The following LRWD1 variants were observed in gnomAD, a reference collection of about 807,000 sequenced individuals.
LRWD1 encodes the protein leucine rich repeats and WD repeat domain containing 1.
In LRWD1, 76 loss-of-function variants were observed where a neutral mutation model predicts 75.6. The observed-to-expected ratio is 1.01, with a 90% CI of 0.84 to 1.22. LRWD1 has a LOEUF of 1.22. Ranked by LOEUF, LRWD1 falls within the 50% of genes most tolerant of loss-of-function variation. The probability of loss-of-function intolerance (pLI) is 0.00; values close to 1 mark genes in which losing one functional copy is unlikely to be tolerated. For missense variants in LRWD1, 917 were observed against 862.0 expected, an observed-to-expected ratio of 1.06 and a Z score of -0.80; for synonymous variants, 487 against 377.0, an observed-to-expected ratio of 1.29 and a Z score of -3.38.
At chr7:102,470,785 G>C (rs1392933408) in intron 11 of LRWD1, 1 of 152,246 alleles carries the variant, frequency 6.6e-6, no homozygotes, top group Non-Finnish European at 1.5e-5. Flanking sequence ...TTTTATTTGA[G>C]ATAGAGTCTC....
At chr7:102,471,083 C>G (rs1045539412) in intron 11 of LRWD1, 2 of 152,400 alleles carry the variant, frequency 1.3e-5, no homozygotes, top group Admixed American at 1.3e-4. Context: ...CAGGTGCACG[C>G]CAACACGCCT....
rs148895778 is a variant in LRWD1 at position 102,473,049 on chromosome 7, G to T, written c.1944G>T (p.Ter648TyrextTer12). 1 of 1,609,268 alleles carries T rather than the reference G, an allele frequency of 6.2e-7. No individual in the cohort carries two copies. The highest frequency in any genetic ancestry group is 8.5e-7 in the Non-Finnish European group (1 of 1,177,782). Residue 648 changes from the stop codon to tyrosine, a stop_lost, in exon 15 of 15, where the codon TAG becomes TAT. Transcript: ENST00000292616. ...TCGTAGCCATCTGGGGGAGGATGTA[G>T]CCTCACACCATCGCAAAGGACCAGG... ...SNIVAIWGRM[*>Y]
chr7:102,468,441 G>A, intron 7 of LRWD1, 64 bp downstream of exon 7: 1 of 1,542,154 alleles, frequency 6.5e-7, no homozygotes, highest in Non-Finnish European at 8.8e-7. Context: ...ATGGGTGGGG[G>A]ATCAGGAGAC....
chr7:102,465,603 C>G lies in LRWD1; in HGVS notation c.81-214C>G, dbSNP rs73712497. ...TCGAGAGGCTGAGGCGGGAGGATCCCTCAGCCCAGGAGTTGGAGGCAGCTG... is the reference window on the plus strand; with the variant it reads ...TCGAGAGGCTGAGGCGGGAGGATCCGTCAGCCCAGGAGTTGGAGGCAGCTG... On this transcript the variant is annotated intron_variant, in intron 1 of 14. Transcript: ENST00000292616. The G allele has an allele frequency of 4.9e-3, 2,434 of 499,194 alleles. 37 individuals carry two copies. Among genetic ancestry groups the G allele is most frequent in the African/African-American group, 0.045 (2,188 of 48,886 alleles). The allele number at this position is 499,194 out of a possible 1,614,324, so 30.9% of individuals were successfully genotyped here.
Position 102,468,630 on chromosome 7 carries a change from C to G in LRWD1, c.996C>G (p.Leu332=), listed in dbSNP as rs922050550. The stretch of plus-strand genomic sequence containing the variant: ...TTGATTGCCAGACGGGCATCGTGCT[C>G]CACAAGTACAAGGCACCCGGCGAGG... ...CVIDCQTGIV[L]HKYKAPGEEF... Residue 332 remains leucine (L), a synonymous_variant, in exon 8 of 15, where the codon CTC becomes CTG. Transcript: ENST00000292616. The G allele has an allele frequency of 6.4e-7, 1 of 1,573,926 alleles. No individual in the cohort carries two copies. The highest frequency in any genetic ancestry group is 1.4e-5 in the African/African-American group (1 of 73,958).
In LRWD1 at chr7:102,465,420, G is replaced by GC. The variant is rs1434726954; in HGVS notation, c.80+265dup. The GC allele has an allele frequency of 1.8e-4, 68 of 384,056 alleles. No individual in the cohort carries two copies. The Admixed American group carries it at 2.1e-3, about 12-fold the overall frequency. The allele number at this position is 384,056 out of a possible 1,614,324, so 23.8% of individuals were successfully genotyped here. A position where few individuals can be genotyped will look rare whatever the true frequency, so the allele number is the denominator to read the frequency against. On this transcript the variant is annotated intron_variant, in intron 1 of 14. Transcript: ENST00000292616. Reference sequence around the variant, plus strand: ...TAGAGGGCCTGGGAAGCACAGACGAGCCCCCGAAGGATCAGGAAGAGCATC... The same window carrying GC: ...TAGAGGGCCTGGGAAGCACAGACGAGCCCCCCGAAGGATCAGGAAGAGCATC...
Position 102,473,001 on chromosome 7 carries a change from C to T in LRWD1, c.1896C>T (p.Leu632=). 1.2e-6 allele frequency: 2 copies of T among 1,614,144 alleles called. No homozygotes were observed. Among genetic ancestry groups the T allele is most frequent in the Non-Finnish European group, 1.7e-6 (2 of 1,180,018 alleles). ...TGGCCAATGCCTCCTTCACCTACCT[C>T]ACCGCCCTGACGGACTCCAACATCG... The part of the protein sequence containing the change: ...TVVANASFTY[L]TALTDSNIVA... The change falls in exon 15 of 15, where the codon CTC becomes CTT. Residue 632 remains leucine, a synonymous_variant. Transcript: ENST00000292616.
At chr7:102,468,449 G>A (rs1245986893) in intron 7 of LRWD1, 72 bp downstream of exon 7, 1 of 1,541,410 alleles carries the variant, frequency 6.5e-7, no homozygotes, top group Non-Finnish European at 8.8e-7. Flanking sequence ...GGGATCAGGA[G>A]ACAGAGCTTA....
At position 102,473,048 on chromosome 7, in the gene LRWD1, AG is replaced by A; in HGVS notation, c.1944del (p.Ter648TyrfsTer14). ...ATCGTAGCCATCTGGGGGAGGATGT[AG>A]CCTCACACCATCGCAAAGGACCAGG... ...SNIVAIWGRM* is the reference protein window; with the variant it reads ...SNIVAIWGRMX On this transcript the variant is annotated frameshift_variant and stop_lost, in exon 15 of 15. Transcript: ENST00000292616. LOFTEE classifies it high-confidence loss of function. The A allele has an allele frequency of 6.2e-7, 1 of 1,610,710 alleles. No homozygotes were observed. The highest frequency in any genetic ancestry group is 8.5e-7 in the Non-Finnish European group (1 of 1,178,262).
In LRWD1 at chr7:102,473,079, C is replaced by T. The variant is rs753090865; in HGVS notation, c.*30C>T. 1.4e-5 allele frequency: 23 copies of T among 1,588,050 alleles called. No homozygotes were observed. Among genetic ancestry groups the T allele is most frequent in the Non-Finnish European group, 1.7e-5 (20 of 1,163,836 alleles). On this transcript the variant is annotated 3_prime_UTR_variant, in exon 15 of 15. Transcript: ENST00000292616. ...ACACCATCGCAAAGGACCAGGGACA[C>T]AGCTAACTAACTTATTCAGCTTTGG... is the stretch of plus-strand genomic sequence containing the variant.
chr7:102,465,191 C>T (rs1563652179), intron 1 of LRWD1, 31 bp downstream of exon 1: 3 of 1,436,756 alleles, frequency 2.1e-6, no homozygotes, highest in East Asian at 3.0e-5. Flanking sequence ...GAGGCTGTGT[C>T]CTCGGGGCCG....
intron 11 of LRWD1, chr7:102,471,563 G>A (rs1187845150): frequency 1.3e-5 from 2 of 154,886 alleles, no homozygotes; most frequent in Middle Eastern, 5.1e-4. Flanking sequence ...CTGTGTCTAA[G>A]ATGCTTCTTC....
intron 11 of LRWD1, chr7:102,471,578 AC>A (rs767110050): frequency 6.5e-6 from 1 of 154,680 alleles, no homozygotes; most frequent in Non-Finnish European, 1.5e-5. Context: ...TTCTTCTCTT[AC>A]CCTCTGCCCA....
intron 11 of LRWD1, chr7:102,471,930 C>T (rs931534024): frequency 2.5e-6 from 1 of 400,548 alleles, no homozygotes; most frequent in Non-Finnish European, 4.7e-6. Flanking sequence ...CCCAGAGGCA[C>T]TGGCTCGCTT....
In LRWD1 at chr7:102,472,749, G is replaced by T; in HGVS notation, c.1748G>T (p.Ser583Ile). ...EEGNVWLYDV[S>I]NILKQPPLLP... ...GGCAACGTGTGGCTCTACGACGTCA[G>T]CAACATCCTGAAGCAGCCACCCCTG... Residue 583 changes from serine to isoleucine, a missense_variant, in exon 14 of 15, where the codon AGC (serine) becomes ATC (isoleucine). Ser to Ile is a moderately radical substitution (Grantham distance 142, BLOSUM62 -2). Transcript: ENST00000292616. 1 of 1,613,480 alleles carries T rather than the reference G, an allele frequency of 6.2e-7. No individual in the cohort carries two copies. The highest frequency in any genetic ancestry group is 8.5e-7 in the Non-Finnish European group (1 of 1,179,960).
chr7:102,467,790 G>T lies in LRWD1; in HGVS notation c.645G>T (p.Lys215Asn). 1 of 1,551,148 alleles carries T rather than the reference G, an allele frequency of 6.4e-7. No homozygotes were observed. The highest frequency in any genetic ancestry group is 8.7e-7 in the Non-Finnish European group (1 of 1,147,192). Reference sequence around the variant, plus strand: ...TGCAAAAGGCTAACAGCCCAGAGAAGCCCCCAGAAGCTGGAGCTGCCCACA... The same window carrying T: ...TGCAAAAGGCTAACAGCCCAGAGAATCCCCCAGAAGCTGGAGCTGCCCACA... ...TQVQKANSPE[K>N]PPEAGAAHKP... Residue 215 changes from lysine (K) to asparagine (N), a missense_variant, in exon 5 of 15, where the codon AAG becomes AAT. Lys to Asn is a moderately conservative substitution (Grantham distance 94). Coordinates refer to ENST00000292616, the MANE Select transcript of LRWD1 (RefSeq NM_152892.3).
In LRWD1 at chr7:102,472,338, T is replaced by G. The variant is rs773179204; in HGVS notation, c.1534+29T>G. 8 of 1,556,046 alleles carry G rather than the reference T, an allele frequency of 5.1e-6. No homozygotes were observed. In the Admixed American group the frequency reaches 5.8e-5, roughly 11 times the overall value. On this transcript the variant is annotated intron_variant, in intron 12 of 14. Transcript: ENST00000292616. Reference sequence around the variant, plus strand: ...AGTGAGCTCAGCTTGTGGGACAGCCTGGCCTCCGGGCACACAGATGGACCG... The same window carrying G: ...AGTGAGCTCAGCTTGTGGGACAGCCGGGCCTCCGGGCACACAGATGGACCG...
Position 102,468,535 on chromosome 7 carries a change from CT to C in LRWD1, c.920-18del. ...GGAAATGTCTCTGCTCATCCGACCT[CT>C]CAAAACCGGGCACTCAGGGGCCACA... On this transcript the variant is annotated intron_variant, in intron 7 of 14. Transcript: ENST00000292616. The C allele has an allele frequency of 6.4e-7, 1 of 1,557,860 alleles. No homozygotes were observed.
In LRWD1 at chr7:102,465,052, T is replaced by C. The variant is rs1797915386; in HGVS notation, c.-29T>C. On this transcript the variant is annotated 5_prime_UTR_variant, in exon 1 of 15. Coordinates refer to ENST00000292616, the MANE Select transcript of LRWD1 (RefSeq NM_152892.3). ...GACGCCACACGCCGGGGTGGCCGAC[T>C]GGGTCAGCGCGGGCTGCGCCTCCTC... 2.7e-6 allele frequency: 4 copies of C among 1,457,822 alleles called. No homozygotes were observed. Among genetic ancestry groups the C allele is most frequent in the Non-Finnish European group, 3.6e-6 (4 of 1,105,814 alleles). 90.3% of individuals were successfully genotyped at this position (1,457,822 alleles called of 1,614,324 possible).
Sources: allele counts gnomAD v4.1 joint callset, GRCh38; gene constraint gnomAD v4.1.1; transcripts MANE v1.5; gene names NCBI Gene and HGNC (gene_info 2026-07-23, HGNC 2026-07-21).